ZFHX4: variants seen among roughly 807,000 people sequenced by gnomAD.
ZFHX4 encodes zinc finger homeobox protein 4.
In ZFHX4, 56 loss-of-function variants were observed where a neutral mutation model predicts 267.6. The observed-to-expected ratio is 0.21, with a 90% CI of 0.17 to 0.26. The LOEUF is 0.26. Ranked by LOEUF, ZFHX4 falls within the 10% of genes least tolerant of loss-of-function variation. ZFHX4 has a pLI of 1.00. For missense variants in ZFHX4, 4,332 were observed against 4,420.0 expected (o/e 0.98, Z 0.56); for synonymous variants, 1,778 against 1,665.6 (o/e 1.07, Z -1.64).
At chr8:76,709,792 CGTGTGTGTGCGTGTGTGTGT>C (rs1563476880) in intron 3 of ZFHX4, among the ~76,000 whole-genome samples, 1 of 139,584 alleles carries the variant, frequency 7.2e-6, no homozygotes, top group Non-Finnish European at 1.5e-5. Context: ...CGTGTGTGTG[CGTGTGTGTGCGTGTGTGTGT>C]GTGTGTGTGT....
chr8:76,760,928 C>CAAAA lies in ZFHX4; in HGVS notation c.3094-17261_3094-17258dup, dbSNP rs771069673. 2.5e-3 allele frequency among the ~76,000 whole-genome samples: 162 copies of CAAAA among 63,776 alleles called. 1 individual carries two copies. The highest frequency in any genetic ancestry group is 6.9e-3 in the African/African-American group (130 of 18,896). The allele number at this position is 63,776 out of a possible 152,430, so 41.8% of individuals were successfully genotyped here. ...TGGGCAACAGGGCAAGACCCTGCCT[C>CAAAA]AAAAAAAAAAAAAAAAAAAAAAGAG... On this transcript the variant is annotated intron_variant, in intron 3 of 10. Transcript: ENST00000651372.
At chr8:76,719,522 T>A (rs1301333495) in intron 3 of ZFHX4, among the ~76,000 whole-genome samples, 1 of 152,134 alleles carries the variant, frequency 6.6e-6, no homozygotes, top group Admixed American at 6.5e-5. Context: ...GCCTTTTCTT[T>A]TTCTACAAAA....
At chr8:76,715,351 G>A (rs1808536911) in intron 3 of ZFHX4, among the ~76,000 whole-genome samples, 1 of 151,634 alleles carries the variant, frequency 6.6e-6, no homozygotes, top group Admixed American at 6.6e-5. Flanking sequence ...CAATGGTGGT[G>A]CGCACCTGTA....
At chr8:76,823,940 T>G (rs572467182) in intron 4 of ZFHX4, among the ~76,000 whole-genome samples, 9 of 152,156 alleles carry the variant, frequency 5.9e-5, no homozygotes, top group African/African-American at 2.2e-4. Flanking sequence ...TTAGGAAGTA[T>G]AGTAGCAAGA....
chr8:76,827,676 C>A (rs115744899), intron 4 of ZFHX4, among the ~76,000 whole-genome samples: 1 of 151,986 alleles, frequency 6.6e-6, no homozygotes, highest in Non-Finnish European at 1.5e-5. Context: ...ATATCAGGAA[C>A]GTATTAAATT....
rs757585221 is a variant in ZFHX4, at chr8:76,778,199, T to C, written c.3094-9T>C. 2 of 1,593,732 alleles carry C rather than the reference T, an allele frequency of 1.3e-6. No homozygotes were observed. The highest frequency in any genetic ancestry group is 1.7e-6 in the Non-Finnish European group (2 of 1,161,758). Reference sequence around the variant, plus strand: ...ACCATTGTTCTAATGAGCCTTCCCTTCCTTTCAGCACTTGCAGAAGCAAGA... The same window carrying C: ...ACCATTGTTCTAATGAGCCTTCCCTCCCTTTCAGCACTTGCAGAAGCAAGA... On this transcript the variant is annotated splice_polypyrimidine_tract_variant and intron_variant, in intron 3 of 10. Transcript: ENST00000651372.
At position 76,853,050 on chromosome 8, in the gene ZFHX4, C is replaced by A; in HGVS notation, c.6129C>A (p.Pro2043=). The A allele has an allele frequency of 9.2e-7, 1 of 1,086,152 alleles. No homozygotes were observed. The highest frequency in any genetic ancestry group is 1.3e-6 in the Non-Finnish European group (1 of 747,246). The allele number at this position is 1,086,152 out of a possible 1,614,324, so 67.3% of individuals were successfully genotyped here. A position where few individuals can be genotyped will look rare whatever the true frequency, so the allele number is the denominator to read the frequency against. ...TGCAAGCTCCACCACCCACTCCTCC[C>A]CCACCACCACCACCTCCTCCTCCTC... ...TPLQAPPPTP[P]PPPPPPPPPP... The change falls in exon 10 of 11, where the codon CCC becomes CCA. Residue 2043 remains proline, a synonymous_variant. Coordinates refer to ENST00000651372, the MANE Select transcript of ZFHX4 (RefSeq NM_024721.5).
At chr8:76,847,518 T>C (rs1812393507) in intron 6 of ZFHX4, among the ~76,000 whole-genome samples, 1 of 152,056 alleles carries the variant, frequency 6.6e-6, no homozygotes. Flanking sequence ...TAGAAATCAG[T>C]AGTATCAGTA....
Position 76,855,342 on chromosome 8 carries a change from T to C in ZFHX4, c.8421T>C (p.Asn2807=). ...KTDFDETSSI[N]TAISDATTGD... ...ATTTTGATGAGACTTCATCGATTAA[T>C]ACGGCAATCAGTGACGCCACCACCG... The change falls in exon 10 of 11, where the codon AAT becomes AAC. Residue 2807 remains asparagine (N), a synonymous_variant. Coordinates refer to ENST00000651372, the MANE Select transcript of ZFHX4 (RefSeq NM_024721.5). 1 of 1,613,744 alleles carries C rather than the reference T, an allele frequency of 6.2e-7. No homozygotes were observed. Among genetic ancestry groups the C allele is most frequent in the Non-Finnish European group, 8.5e-7 (1 of 1,179,830 alleles).
At chr8:76,727,524 TA>T (rs1241920895) in intron 3 of ZFHX4, among the ~76,000 whole-genome samples, 1 of 152,178 alleles carries the variant, frequency 6.6e-6, no homozygotes, top group African/African-American at 2.4e-5. Context: ...GTGGTATCAT[TA>T]TTCCTAAAAT....
intron 10 of ZFHX4, among the ~76,000 whole-genome samples, chr8:76,857,188 G>A (rs1812752932): frequency 6.6e-6 from 1 of 151,912 alleles, no homozygotes; most frequent in Non-Finnish European, 1.5e-5. Context: ...TAACGTGCTA[G>A]CCAATCATGT....
intron 10 of ZFHX4, among the ~76,000 whole-genome samples, chr8:76,856,721 G>A (rs1812737285): frequency 6.6e-6 from 1 of 152,048 alleles, no homozygotes; most frequent in Non-Finnish European, 1.5e-5. Flanking sequence ...TCCAAGGGAT[G>A]GGGTGGTGGT....
intron 1 of ZFHX4, among the ~76,000 whole-genome samples, chr8:76,687,386 G>T (rs1200118399): frequency 6.6e-6 from 1 of 152,198 alleles, no homozygotes; most frequent in African/African-American, 2.4e-5. Context: ...TGCCCCATTT[G>T]TCATGGCTGT....
chr8:76,719,526 T>A (rs114906578), intron 3 of ZFHX4, among the ~76,000 whole-genome samples: 2,172 of 152,176 alleles, frequency 0.014, 60 homozygotes, highest in African/African-American at 0.05. Context: ...TTTCTTTTTC[T>A]ACAAAAGGCA....
In ZFHX4 at chr8:76,681,370, A is replaced by T; in HGVS notation, c.-297A>T. On this transcript the variant is annotated 5_prime_UTR_variant, in exon 1 of 11. Transcript: ENST00000651372. ...CTTTCCTCCTTTTCCCAACCCCTTC[A>T]CAACCAAACAGCGAGACCGCGGTCG... is the stretch of plus-strand genomic sequence containing the variant. 2.5e-6 allele frequency: 1 copy of T among 398,738 alleles called. No individual in the cohort carries two copies. Among genetic ancestry groups the T allele is most frequent in the Middle Eastern group, 6.3e-4 (1 of 1,588 alleles). 24.7% of individuals were successfully genotyped at this position (398,738 alleles called of 1,614,324 possible). A position where few individuals can be genotyped will look rare whatever the true frequency, so the allele number is the denominator to read the frequency against.
At position 76,864,522 on chromosome 8, in the gene ZFHX4, A is replaced by T; in HGVS notation, c.10808A>T (p.Asp3603Val). 1.2e-6 allele frequency: 2 copies of T among 1,612,502 alleles called. No individual in the cohort carries two copies. The highest frequency in any genetic ancestry group is 1.7e-6 in the Non-Finnish European group (2 of 1,179,258). ...EVKAKPASGL[D>V]GNFNSIRMDM... ...AAGGCTAAGCCTGCTTCTGGCCTAG[A>T]TGGTAATTTCAATAGCATCCGAATG... The change falls in exon 11 of 11, where the codon GAT (aspartate) becomes GTT (valine). Residue 3603 changes from aspartate (D) to valine (V), a missense_variant. By Grantham distance (152) the Asp-to-Val change is radical (BLOSUM62 -3). Coordinates refer to ENST00000651372, the MANE Select transcript of ZFHX4 (RefSeq NM_024721.5).
At chr8:76,742,280 A>G (rs1306952712) in intron 3 of ZFHX4, among the ~76,000 whole-genome samples, 2 of 152,164 alleles carry the variant, frequency 1.3e-5, no homozygotes, top group Non-Finnish European at 2.9e-5. Context: ...GACCAAATAT[A>G]CTGCACTTCT....
intron 4 of ZFHX4, among the ~76,000 whole-genome samples, chr8:76,821,897 G>A (rs775031588): frequency 6.6e-6 from 1 of 151,860 alleles, no homozygotes; most frequent in Admixed American, 6.6e-5. Context: ...CATTCTCTAG[G>A]TTATCTCATT....
At chr8:76,814,005 A>C (rs949477863) in intron 4 of ZFHX4, among the ~76,000 whole-genome samples, 7 of 152,120 alleles carry the variant, frequency 4.6e-5, no homozygotes, top group African/African-American at 1.2e-4. Flanking sequence ...GTCTTCATGT[A>C]GACATGTCCA....
Sources: allele counts gnomAD v4.1 joint callset (sites outside exome capture counted in the v4.1 genomes callset), GRCh38; gene constraint gnomAD v4.1.1; transcripts MANE v1.5; gene names NCBI Gene and HGNC (gene_info 2026-07-23, HGNC 2026-07-21).